The following TMEM230 variants were observed in gnomAD, a reference collection of about 807,000 sequenced individuals.
TMEM230 encodes the protein transmembrane protein 230, also known as UPF0414 transmembrane protein C20orf30.
In TMEM230, 10 loss-of-function variants were observed where a neutral mutation model predicts 15.8. The ratio of observed to expected loss-of-function variants is 0.63; its 90% CI spans 0.39 to 1.07. The LOEUF is 1.07. Ranked by LOEUF, TMEM230 falls within the 50% of genes least tolerant of loss-of-function variation. The pLI is 0.01. For missense variants in TMEM230, 165 were observed against 193.3 expected, an observed-to-expected ratio of 0.85 and a Z score of 0.87; for synonymous variants, 67 against 76.9, an observed-to-expected ratio of 0.87 and a Z score of 0.68.
rs1230141898 is a variant in TMEM230, at chr20:5,088,290, C to T, written c.222+17898G>A. Among the ~76,000 whole-genome samples, 8 of 130,516 alleles carry T rather than the reference C, an allele frequency of 6.1e-5. No individual in the cohort carries two copies. In the South Asian group the frequency reaches 9.4e-4, roughly 15 times the overall value. The allele number at this position is 130,516 out of a possible 152,430, so 85.6% of individuals were successfully genotyped here. A position where few individuals can be genotyped will look rare whatever the true frequency, so the allele number is the denominator to read the frequency against. On this transcript the variant is annotated intron_variant, in intron 3 of 3. Coordinates refer to the TMEM230 transcript ENST00000612323. ...TGCCACTGTACTCCAGCCTGGGCAA[C>T]GGAGGGAGACTCTGTCTCAAAAAAA...
At chr20:5,088,251 G>T (rs1333158351) in intron 3 of TMEM230, among the ~76,000 whole-genome samples, 3 of 149,148 alleles carry the variant, frequency 2.0e-5, no homozygotes, top group African/African-American at 4.9e-5. Flanking sequence ...AGAGCTTGCA[G>T]TGAGCCGAGG....
At position 5,089,873 on chromosome 20, in the gene TMEM230, G is replaced by C. The variant is rs1178831486; in HGVS notation, c.222+16315C>G. Among the ~76,000 whole-genome samples the C allele has an allele frequency of 2.0e-5, 3 of 151,086 alleles. No homozygotes were observed. The East Asian group carries it at 5.9e-4, about 30-fold the overall frequency. ...TCTCTAGTAAACAATACAAAAATTAGCCAGGCATGGTGGCACGTGCCTGTA... is the reference window on the plus strand; with the variant it reads ...TCTCTAGTAAACAATACAAAAATTACCCAGGCATGGTGGCACGTGCCTGTA... On this transcript the variant is annotated intron_variant, in intron 3 of 3. Coordinates refer to the TMEM230 transcript ENST00000612323.
At chr20:5,081,567 C>T (rs2089175242) in intron 3 of TMEM230, among the ~76,000 whole-genome samples, 1 of 152,174 alleles carries the variant, frequency 6.6e-6, no homozygotes, top group Admixed American at 6.5e-5. Context: ...CTCCCACATG[C>T]CCAAATGGGG....
chr20:5,079,622 C>T (rs1278444130), intron 3 of TMEM230, among the ~76,000 whole-genome samples: 3 of 152,150 alleles, frequency 2.0e-5, no homozygotes, highest in East Asian at 1.9e-4. Flanking sequence ...ACTACAGGTG[C>T]ATGCCACTGC....
chr20:5,091,046 T>C (rs1229067075), intron 3 of TMEM230, among the ~76,000 whole-genome samples: 1 of 152,178 alleles, frequency 6.6e-6, no homozygotes, highest in Non-Finnish European at 1.5e-5. Flanking sequence ...TCACCCAGGC[T>C]GAAGTGCAGT....
At chr20:5,112,646 C>T (rs2090373133) in intron 1 of TMEM230, 1 of 1,315,550 alleles carries the variant, frequency 7.6e-7, no homozygotes, top group Non-Finnish European at 9.7e-7. Flanking sequence ...CCCAAACTCC[C>T]TCAGCACCTG....
chr20:5,084,032 C>T (rs528110847), intron 3 of TMEM230, among the ~76,000 whole-genome samples: 5 of 152,172 alleles, frequency 3.3e-5, no homozygotes, highest in East Asian at 3.9e-4. Flanking sequence ...AAGTAGGCCT[C>T]GGTGTCAACT....
chr20:5,082,234 T>TTCTC lies in TMEM230; in HGVS notation c.223-12889_223-12886dup, dbSNP rs59648052. On this transcript the variant is annotated intron_variant, in intron 3 of 3. Transcript: ENST00000612323. ...GGGAAAGCCTTGTTTCTCTCTCTCT[T>TTCTC]TCTCTCTCTCTCTCTCTCTTTTTCG... Among the ~76,000 whole-genome samples, 12 of 149,000 alleles carry TTCTC rather than the reference T, an allele frequency of 8.1e-5. No homozygotes were observed. The Admixed American group carries it at 8.1e-4, about 10-fold the overall frequency.
At chr20:5,078,295 G>C (rs1360042612) in intron 3 of TMEM230, among the ~76,000 whole-genome samples, 1 of 152,062 alleles carries the variant, frequency 6.6e-6, no homozygotes, top group Non-Finnish European at 1.5e-5. Context: ...TTTGGCACTG[G>C]GCCCCACAAG....
At chr20:5,061,350 C>G in the TMEM230 span, 1 of 152,136 alleles carries the variant, frequency 6.6e-6, no homozygotes, top group Non-Finnish European at 1.5e-5. Context: ...TAGTACCTTG[C>G]TACTCAAAAT....
At chr20:5,070,607 T>C (rs6053073) in intron 3 of TMEM230, among the ~76,000 whole-genome samples, 8,468 of 152,280 alleles carry the variant, frequency 0.056, 724 homozygotes, top group African/African-American at 0.19. Context: ...AGGGCTGTGG[T>C]AGGTGACAGG....
chr20:5,066,688 A>G (rs546214473), downstream of TMEM230, among the ~76,000 whole-genome samples: 826 of 151,782 alleles, frequency 5.4e-3, 2 homozygotes, highest in South Asian at 0.019. Flanking sequence ...AAAAAAAAAA[A>G]ATCAAAACCC....
intron 3 of TMEM230, among the ~76,000 whole-genome samples, chr20:5,085,007 CCATTT>C (rs1385004370): frequency 6.6e-6 from 1 of 152,140 alleles, no homozygotes; most frequent in Non-Finnish European, 1.5e-5. Flanking sequence ...TTAAAATAGT[CCATTT>C]CATTTATTTT....
chr20:5,102,400 T>C (rs879020267), intron 4 of TMEM230, among the ~76,000 whole-genome samples: 1 of 152,162 alleles, frequency 6.6e-6, no homozygotes, highest in Middle Eastern at 3.4e-3. Flanking sequence ...AGTTAAAGAA[T>C]TAATACTTGG....
At chr20:5,090,014 AAAAAG>A (rs377133751) in intron 3 of TMEM230, among the ~76,000 whole-genome samples, 86 of 152,252 alleles carry the variant, frequency 5.6e-4, no homozygotes, top group Middle Eastern at 3.4e-3. Flanking sequence ...CTCCATCTCA[AAAAAG>A]AAAAGAAAAG....
intron 3 of TMEM230, among the ~76,000 whole-genome samples, chr20:5,106,768 C>A (rs2090112352): frequency 6.6e-6 from 1 of 152,074 alleles, no homozygotes; most frequent in African/African-American, 2.4e-5. Context: ...TGCAGTGGTG[C>A]AATTACAGCT....
chr20:5,097,533 A>C (rs77282305), downstream of TMEM230, among the ~76,000 whole-genome samples: 1 of 152,304 alleles, frequency 6.6e-6, no homozygotes, highest in Non-Finnish European at 1.5e-5. Flanking sequence ...AACTACTTCT[A>C]CTGTCCATAC....
chr20:5,067,164 C>T (rs955816582), downstream of TMEM230: 3 of 151,850 alleles, frequency 2.0e-5, no homozygotes, highest in Admixed American at 1.3e-4. Flanking sequence ...AAAGATGCTT[C>T]AGAATTATCC....
chr20:5,106,666 CAA>C (rs2090108899), intron 3 of TMEM230, among the ~76,000 whole-genome samples: 1 of 152,158 alleles, frequency 6.6e-6, no homozygotes, highest in Non-Finnish European at 1.5e-5. Context: ...CTCGGCCTCC[CAA>C]AGTGCTGGCA....
Sources: gnomAD v4.1 joint callset for allele counts (sites outside exome capture counted in the v4.1 genomes callset) on GRCh38, gnomAD v4.1.1 for gene constraint, MANE v1.5 for transcripts, NCBI Gene and HGNC (gene_info 2026-07-23, HGNC 2026-07-21) for gene names.